Variants in PCDHGB2 observed in about 807,000 individuals in gnomAD.
The protein encoded by PCDHGB2 is protocadherin gamma-B2.
A neutral mutation model predicts 59.3 loss-of-function variants in PCDHGB2; 55 were observed. The observed-to-expected ratio is 0.93, with a 90% CI of 0.75 to 1.16. The LOEUF (loss-of-function observed/expected upper bound fraction) is 1.16, where lower values mean the gene tolerates loss of function less well. Ranked by LOEUF, PCDHGB2 falls within the 50% of genes most tolerant of loss-of-function variation. The probability of loss-of-function intolerance (pLI) is 0.00; values close to 1 mark genes in which losing one functional copy is unlikely to be tolerated. For missense variants in PCDHGB2, 1,228 were observed against 1,198.5 expected (o/e 1.02, Z -0.36); for synonymous variants, 516 against 512.0 (o/e 1.01, Z -0.11).
Position 141,476,758 on chromosome 5 carries a change from G to A in PCDHGB2, c.2422-18049G>A. On this transcript the variant is annotated intron_variant, in intron 1 of 3. Transcript: ENST00000522605. The surrounding 1 kb of genome is among the most constrained non-coding windows in gnomAD (Gnocchi z 7.6). Reference sequence around the variant, plus strand: ...GGGAGCCTAGTCTCCAGTTAGTGCTGACGGCGTTGGACGGAGGGACCCCAG... The same window carrying A: ...GGGAGCCTAGTCTCCAGTTAGTGCTAACGGCGTTGGACGGAGGGACCCCAG... 1 of 1,613,868 alleles carries A rather than the reference G, an allele frequency of 6.2e-7. No homozygotes were observed. The highest frequency in any genetic ancestry group is 1.1e-5 in the South Asian group (1 of 91,086).
intron 1 of PCDHGB2, chr5:141,375,340 C>T (rs1177631226): frequency 1.2e-6 from 2 of 1,613,836 alleles, no homozygotes; most frequent in African/African-American, 1.3e-5. Context: ...TCTTGTACAA[C>T]ATCACTGTGA....
intron 1 of PCDHGB2, chr5:141,375,345 C>A (rs749825552): frequency 1.9e-6 from 3 of 1,613,740 alleles, no homozygotes; most frequent in Non-Finnish European, 2.5e-6. Context: ...TACAACATCA[C>A]TGTGACAGCC....
intron 1 of PCDHGB2, chr5:141,383,954 T>C: frequency 6.2e-7 from 1 of 1,613,650 alleles, no homozygotes; most frequent in Non-Finnish European, 8.5e-7. Flanking sequence ...ATGACGTCTT[T>C]AAGTAGCTCA....
rs1356654620 is a variant in PCDHGB2 at position 141,490,430 on chromosome 5, TTAA to T, written c.2422-4376_2422-4374del. On this transcript the variant is annotated intron_variant, in intron 1 of 3. Coordinates refer to ENST00000522605, the MANE Select transcript of PCDHGB2 (RefSeq NM_018923.3). The surrounding 1 kb of genome is among the most constrained non-coding windows in gnomAD (Gnocchi z 5.4). ...ATCTCTCCGGACCTGCCATTTCAGA[TTAA>T]GCCTTCTGAGAACCACTACTCGCTG... 1 of 1,614,162 alleles carries T rather than the reference TTAA, an allele frequency of 6.2e-7. No individual in the cohort carries two copies.
chr5:141,414,408 C>A (rs1190630924), intron 1 of PCDHGB2: 1 of 1,613,752 alleles, frequency 6.2e-7, no homozygotes, highest in Non-Finnish European at 8.5e-7. Context: ...TGGTGATACA[C>A]AGAGCCCTTG....
chr5:141,413,441 T>A, intron 1 of PCDHGB2: 1 of 1,614,056 alleles, frequency 6.2e-7, no homozygotes, highest in South Asian at 1.1e-5. Context: ...GGCAGCTTGA[T>A]CACCGCGGGC....
chr5:141,399,330 A>T, intron 1 of PCDHGB2: 1 of 1,613,994 alleles, frequency 6.2e-7, no homozygotes, highest in Non-Finnish European at 8.5e-7. Flanking sequence ...ATAAGTTGGT[A>T]ACAGATGGAA....
At chr5:141,372,987 A>T (rs1769224200) in intron 1 of PCDHGB2, 5 of 640,814 alleles carry the variant, frequency 7.8e-6, no homozygotes, top group Non-Finnish European at 1.0e-5. Flanking sequence ...TCTGTGTTGC[A>T]GTTGTTCTTT....
At chr5:141,372,320 G>A (rs924868595) in intron 1 of PCDHGB2, 2 of 1,613,612 alleles carry the variant, frequency 1.2e-6, no homozygotes, top group Non-Finnish European at 1.7e-6. Context: ...GCCAGCGCCT[G>A]CTGGTCACTG....
chr5:141,394,907 T>C (rs1477088272), intron 1 of PCDHGB2: 2 of 1,613,640 alleles, frequency 1.2e-6, no homozygotes, highest in Non-Finnish European at 1.7e-6. Context: ...TGGCAGTGGC[T>C]GCCATCTCCT....
intron 1 of PCDHGB2, chr5:141,389,877 A>T: frequency 6.2e-7 from 1 of 1,614,088 alleles, no homozygotes; most frequent in South Asian, 1.1e-5. Context: ...CTTCGCCGAC[A>T]GCTTGCAGGA....
chr5:141,499,689 CTTTTTTTTTTTT>C (rs545067566), intron 2 of PCDHGB2, among the ~76,000 whole-genome samples: 1 of 119,856 alleles, frequency 8.3e-6, no homozygotes, highest in Non-Finnish European at 1.7e-5. Flanking sequence ...TAACAGATGA[CTTTTTTTTTTTT>C]TTTTTTTTTT....
intron 1 of PCDHGB2, chr5:141,403,387 C>T: frequency 6.2e-7 from 1 of 1,614,042 alleles, no homozygotes; most frequent in Non-Finnish European, 8.5e-7. Context: ...TTAACGAAAT[C>T]GCGGTTCCTG....
In PCDHGB2 at chr5:141,491,996, G is replaced by T; in HGVS notation, c.2422-2811G>T. ...TCCTTCGAGCTTCCGGTGAATTTCG[G>T]GCGATTTCCGCGGGTGTCGGGGGTC... is the stretch of plus-strand genomic sequence containing the variant. On this transcript the variant is annotated intron_variant, in intron 1 of 3. Coordinates refer to ENST00000522605, the MANE Select transcript of PCDHGB2 (RefSeq NM_018923.3). This position sits in a 1 kb window ranked among gnomAD's most constrained non-coding sequence, Gnocchi z 6.9. The T allele has an allele frequency of 2.9e-6, 2 of 686,328 alleles. No individual in the cohort carries two copies. Among genetic ancestry groups the T allele is most frequent in the Non-Finnish European group, 4.5e-6 (2 of 441,080 alleles). 42.5% of individuals were successfully genotyped at this position (686,328 alleles called of 1,614,324 possible). A position where few individuals can be genotyped will look rare whatever the true frequency, so the allele number is the denominator to read the frequency against.
intron 2 of PCDHGB2, among the ~76,000 whole-genome samples, chr5:141,503,361 C>T (rs1021880248): frequency 6.6e-6 from 1 of 151,886 alleles, no homozygotes; most frequent in Non-Finnish European, 1.5e-5. Context: ...CTTTGGGAAG[C>T]GGAGGCAGGT....
At position 141,497,103 on chromosome 5, in the gene PCDHGB2, T is replaced by C. The variant is rs182534106; in HGVS notation, c.2480+2238T>C. On this transcript the variant is annotated intron_variant, in intron 2 of 3. Transcript: ENST00000522605. ...ACTTAGGAGGCTGAGGCAGAACTGC[T>C]TGAACCCGGAAGGCAGAGGTTGCAG... Among the ~76,000 whole-genome samples, 34 of 152,160 alleles carry C rather than the reference T, an allele frequency of 2.2e-4. 1 individual carries two copies. Among genetic ancestry groups the C allele is most frequent in the Admixed American group, 6.6e-4 (10 of 15,264 alleles).
chr5:141,375,003 T>C lies in PCDHGB2; in HGVS notation c.2421+12447T>C, dbSNP rs376283841. The C allele has an allele frequency of 7.7e-5, 124 of 1,613,936 alleles. No individual in the cohort carries two copies. Among genetic ancestry groups the C allele is most frequent in the Non-Finnish European group, 1.0e-4 (120 of 1,179,910 alleles). The stretch of plus-strand genomic sequence containing the variant: ...GGAGAAATTTCAACTTCTGCAAATC[T>C]AGACTATGAGGACTCGAGTTTTTAT... On this transcript the variant is annotated intron_variant, in intron 1 of 3. Transcript: ENST00000522605.
rs762996346 is a variant in PCDHGB2, at chr5:141,365,922, G to A, written c.2421+3366G>A. The A allele has an allele frequency of 1.9e-6, 3 of 1,614,196 alleles. No homozygotes were observed. In the Admixed American group the frequency reaches 5.0e-5, roughly 27 times the overall value. The stretch of plus-strand genomic sequence containing the variant: ...GAGCAGTTGAGAGACCTACAGTTGT[G>A]GGTGACAGCCAGCGACAGTGGGAAC... On this transcript the variant is annotated intron_variant, in intron 1 of 3. Coordinates refer to ENST00000522605, the MANE Select transcript of PCDHGB2 (RefSeq NM_018923.3).
intron 1 of PCDHGB2, chr5:141,403,257 G>A: frequency 6.2e-7 from 1 of 1,613,902 alleles, no homozygotes; most frequent in Non-Finnish European, 8.5e-7. Flanking sequence ...AGCCCGCGGT[G>A]TCTGGTGAAC....
Sources: gnomAD v4.1 joint callset for allele counts (sites outside exome capture counted in the v4.1 genomes callset) on GRCh38, gnomAD v4.1.1 for gene constraint, Gnocchi (gnomAD v3.1) non-coding constraint, MANE v1.5 for transcripts, NCBI Gene and HGNC (gene_info 2026-07-23, HGNC 2026-07-21) for gene names.